PAK2: variants seen among roughly 807,000 people sequenced by gnomAD.
PAK2 encodes the protein serine/threonine-protein kinase PAK 2.
A neutral mutation model predicts 65.9 loss-of-function variants in PAK2; 21 were observed. The observed-to-expected ratio is 0.32, with a 90% confidence interval of 0.23 to 0.46. PAK2 has a LOEUF of 0.46. Ranked by LOEUF, PAK2 falls within the 20% of genes least tolerant of loss-of-function variation. The pLI, the probability that PAK2 is intolerant of heterozygous loss-of-function variation, is 1.00. For synonymous variants in PAK2, 204 were observed against 219.7 expected, an observed-to-expected ratio of 0.93 and a Z score of 0.63; for missense variants, 324 against 642.6, an observed-to-expected ratio of 0.50 and a Z score of 5.36.
rs374850624 is a variant in PAK2, at chr3:196,810,483, G to A, written c.710-107G>A. On this transcript the variant is annotated intron_variant, in intron 7 of 14. Coordinates refer to ENST00000327134, the MANE Select transcript of PAK2 (RefSeq NM_002577.4). The stretch of plus-strand genomic sequence containing the variant: ...ATTTTTGGAACTTAGTATTATGTTT[G>A]AAAATCACTTATAAAAACAGTGGAG... 8.6e-3 allele frequency: 6,153 copies of A among 716,126 alleles called. 42 individuals carry two copies. Among genetic ancestry groups the A allele is most frequent in the Non-Finnish European group, 0.013 (5,286 of 404,562 alleles). 44.4% of individuals were successfully genotyped at this position (716,126 alleles called of 1,614,324 possible). A position where few individuals can be genotyped will look rare whatever the true frequency, so the allele number is the denominator to read the frequency against.
Position 196,829,719 on chromosome 3 carries a change from T to C in PAK2, c.*1314T>C, listed in dbSNP as rs1315278958. 1 of 152,206 alleles carries C rather than the reference T, an allele frequency of 6.6e-6. No homozygotes were observed. Among genetic ancestry groups the C allele is most frequent in the Non-Finnish European group, 1.5e-5 (1 of 68,042 alleles). 9.4% of individuals were successfully genotyped at this position (152,206 alleles called of 1,614,324 possible). On this transcript the variant is annotated 3_prime_UTR_variant, in exon 15 of 15. Coordinates refer to ENST00000327134, the MANE Select transcript of PAK2 (RefSeq NM_002577.4). ...ATTTCTTGATGAATTTATAGATCAT[T>C]TGAGATGTTGAGTTACTTTAGTTTA...
At position 196,791,390 on chromosome 3, in the gene PAK2, C is replaced by G. The variant is rs1416162703; in HGVS notation, c.187+8557C>G. Among the ~76,000 whole-genome samples the G allele has an allele frequency of 6.6e-6, 1 of 152,054 alleles. No individual in the cohort carries two copies. The highest frequency in any genetic ancestry group is 1.5e-5 in the Non-Finnish European group (1 of 68,022). On this transcript the variant is annotated intron_variant, in intron 2 of 14. Transcript: ENST00000327134. This position sits in a 1 kb window ranked among gnomAD's most constrained non-coding sequence, Gnocchi z 4.0. ...ATCTAATGTGGCTCTATCTCAAGTT[C>G]TGCTTAATCGTTTTTGTGTTTTTCC...
chr3:196,744,411 T>C (rs542496451), intron 1 of PAK2, among the ~76,000 whole-genome samples: 4 of 152,296 alleles, frequency 2.6e-5, no homozygotes, highest in African/African-American at 9.6e-5. Flanking sequence ...CAATTAAATA[T>C]TTAAAGAGTG....
intron 7 of PAK2, among the ~76,000 whole-genome samples, chr3:196,808,847 C>T (rs148446312): frequency 0.011 from 1,669 of 150,624 alleles, 22 homozygotes; most frequent in African/African-American, 0.034. Flanking sequence ...GGCGAAAGAG[C>T]GAGACTCAGT....
chr3:196,818,694 T>C (rs1300237974), intron 12 of PAK2, among the ~76,000 whole-genome samples: 3 of 152,184 alleles, frequency 2.0e-5, no homozygotes, highest in East Asian at 1.9e-4. Flanking sequence ...GTAATCTTAA[T>C]GGGGAAGCTC....
intron 11 of PAK2, among the ~76,000 whole-genome samples, chr3:196,815,171 G>C (rs551663259): frequency 1.3e-3 from 197 of 148,722 alleles, no homozygotes; most frequent in East Asian, 4.0e-3. Flanking sequence ...CAGAGCGAGA[G>C]TCCGTCTCAA....
intron 1 of PAK2, among the ~76,000 whole-genome samples, chr3:196,740,394 C>T (rs1264988146): frequency 6.6e-6 from 1 of 152,142 alleles, no homozygotes; most frequent in East Asian, 1.9e-4. Flanking sequence ...CGCTGGGCTG[C>T]GGAGGTCTGA....
chr3:196,760,805 A>G (rs573237414), intron 1 of PAK2, among the ~76,000 whole-genome samples: 2 of 152,336 alleles, frequency 1.3e-5, no homozygotes, highest in East Asian at 1.9e-4. Flanking sequence ...TAGGATATTT[A>G]TGAGTCGTGA....
At chr3:196,786,711 T>A (rs9864683) in intron 2 of PAK2, among the ~76,000 whole-genome samples, 23,374 of 152,134 alleles carry the variant, frequency 0.15, 2,209 homozygotes, top group East Asian at 0.44. Flanking sequence ...CCACCATTAT[T>A]TGTCAGGTTT....
Position 196,802,769 on chromosome 3 carries a change from G to A in PAK2, c.289-248G>A, listed in dbSNP as rs187573842. Among the ~76,000 whole-genome samples the A allele has an allele frequency of 2.6e-5, 4 of 152,022 alleles. No individual in the cohort carries two copies. In the East Asian group the frequency reaches 7.8e-4, roughly 30 times the overall value. ...TGAGGCAGGAGAATGGCCTGAACCC[G>A]GGAGGTGGAGCTTGCAGTGAGCCGA... On this transcript the variant is annotated intron_variant, in intron 3 of 14. Coordinates refer to ENST00000327134, the MANE Select transcript of PAK2 (RefSeq NM_002577.4).
At chr3:196,815,035 C>T (rs151051998) in intron 11 of PAK2, among the ~76,000 whole-genome samples, 4,598 of 151,714 alleles carry the variant, frequency 0.03, 114 homozygotes, top group Middle Eastern at 0.068. Context: ...AAAAAATTAG[C>T]CGGGCGTGTT....
rs1078099 is a variant in PAK2 at position 196,820,901 on chromosome 3, G to T, written c.1350+334G>T. Among the ~76,000 whole-genome samples the T allele has an allele frequency of 6.6e-6, 1 of 151,840 alleles. No homozygotes were observed. Among genetic ancestry groups the T allele is most frequent in the Non-Finnish European group, 1.5e-5 (1 of 67,982 alleles). On this transcript the variant is annotated intron_variant, in intron 13 of 14. Coordinates refer to ENST00000327134, the MANE Select transcript of PAK2 (RefSeq NM_002577.4). This position sits in a 1 kb window ranked among gnomAD's most constrained non-coding sequence, Gnocchi z 4.6. ...CTTGCCTATTCTAGAATGCAGTGGC[G>T]CAATCTCAGCTCACTGCAACCGCCA...
chr3:196,747,724 T>C (rs1713437033), intron 1 of PAK2, among the ~76,000 whole-genome samples: 1 of 152,296 alleles, frequency 6.6e-6, no homozygotes, highest in Non-Finnish European at 1.5e-5. Context: ...CCAGTTTTTA[T>C]AAATAGTTCT....
At chr3:196,753,216 C>T (rs1020111065) in intron 1 of PAK2, among the ~76,000 whole-genome samples, 2 of 152,072 alleles carry the variant, frequency 1.3e-5, no homozygotes, top group Non-Finnish European at 2.9e-5. Context: ...CTCAGCCTCC[C>T]AAAGTGCTGG....
At chr3:196,805,277 CT>C (rs368708603) in intron 4 of PAK2, 74 bp from the exon 5 acceptor site, 53,380 of 551,962 alleles carry the variant, frequency 0.097, 430 homozygotes, top group South Asian at 0.12. Context: ...ACTTTCTCTG[CT>C]TTTTTTTTTT....
chr3:196,746,405 A>G (rs771547471), intron 1 of PAK2, among the ~76,000 whole-genome samples: 1 of 152,238 alleles, frequency 6.6e-6, no homozygotes, highest in East Asian at 1.9e-4. Flanking sequence ...TAAATTTGCT[A>G]TTAATCAAAG....
In PAK2 at chr3:196,820,026, A is replaced by G. The variant is rs547128905; in HGVS notation, c.1154-345A>G. Among the ~76,000 whole-genome samples the G allele has an allele frequency of 3.9e-5, 6 of 152,312 alleles. No homozygotes were observed. Among genetic ancestry groups the G allele is most frequent in the Non-Finnish European group, 5.9e-5 (4 of 68,020 alleles). ...AAAATTAAAAGACAAAGTAGTTTCC[A>G]TGACCTGACCTTTACCTGATTCACT... is the stretch of plus-strand genomic sequence containing the variant. On this transcript the variant is annotated intron_variant, in intron 12 of 14. Coordinates refer to ENST00000327134, the MANE Select transcript of PAK2 (RefSeq NM_002577.4). The surrounding 1 kb of genome is among the most constrained non-coding windows in gnomAD (Gnocchi z 4.6).
chr3:196,805,456 T>C, intron 5 of PAK2, 73 bp downstream of exon 5: 1 of 757,508 alleles, frequency 1.3e-6, no homozygotes, highest in Admixed American at 2.8e-5. Context: ...CAGTTTTTAT[T>C]TTGCTTTCTA....
At chr3:196,741,693 T>C (rs1175800841) in intron 1 of PAK2, among the ~76,000 whole-genome samples, 1 of 152,228 alleles carries the variant, frequency 6.6e-6, no homozygotes, top group Non-Finnish European at 1.5e-5. Context: ...AAAAAGTGGC[T>C]CCAATACTCA....
Sources: allele counts gnomAD v4.1 joint callset (sites outside exome capture counted in the v4.1 genomes callset), GRCh38; gene constraint gnomAD v4.1.1; non-coding constraint Gnocchi (gnomAD v3.1); transcripts MANE v1.5; gene names NCBI Gene and HGNC (gene_info 2026-07-23, HGNC 2026-07-21).